Variants in GALNT18 observed in about 807,000 individuals in gnomAD.
The protein encoded by GALNT18 is GalNAc-transferase 18.
Under a neutral mutation model 69.5 loss-of-function variants are expected in GALNT18, and 44 were observed. The ratio of observed to expected loss-of-function variants is 0.63; its 90% confidence interval spans 0.50 to 0.81. The LOEUF (loss-of-function observed/expected upper bound fraction) is 0.81. Ranked by LOEUF, GALNT18 falls within the 40% of genes least tolerant of loss-of-function variation. The pLI is 0.00. For missense variants in GALNT18, 715 were observed against 810.0 expected, an observed-to-expected ratio of 0.88 and a Z score of 1.42; for synonymous variants, 364 against 318.2, an observed-to-expected ratio of 1.14 and a Z score of -1.53.
rs1857437027 is a variant in GALNT18, at chr11:11,523,120, C to G, written c.236-74184G>C. On this transcript the variant is annotated intron_variant, in intron 1 of 10. Transcript: ENST00000227756. This position sits in a 1 kb window ranked among gnomAD's most constrained non-coding sequence, Gnocchi z 4.3. ...ATTATGTCCGCAAGATCAATTCCAT[C>G]TGAGTGAAGGTCTACAGTGCTATTT... Among the ~76,000 whole-genome samples the G allele has an allele frequency of 6.6e-6, 1 of 152,190 alleles. No individual in the cohort carries two copies. Among genetic ancestry groups the G allele is most frequent in the Non-Finnish European group, 1.5e-5 (1 of 68,030 alleles).
chr11:11,571,801 G>A (rs1395265040), intron 1 of GALNT18, among the ~76,000 whole-genome samples: 2 of 152,186 alleles, frequency 1.3e-5, no homozygotes, highest in Admixed American at 6.5e-5. Context: ...GTGTTAAAGT[G>A]ACCCTATGTC....
intron 2 of GALNT18, among the ~76,000 whole-genome samples, chr11:11,437,570 T>C (rs1402240673): frequency 2.6e-5 from 4 of 151,888 alleles, no homozygotes; most frequent in Non-Finnish European, 4.4e-5. Flanking sequence ...GGGGAAGCAG[T>C]GGAGGAATAA....
chr11:11,397,881 C>T (rs1405321310), intron 3 of GALNT18, among the ~76,000 whole-genome samples: 2 of 152,188 alleles, frequency 1.3e-5, no homozygotes, highest in African/African-American at 2.4e-5. Context: ...AAGAAGGGGC[C>T]GCTGGCTGGG....
chr11:11,365,993 C>A (rs1850759477), intron 6 of GALNT18, among the ~76,000 whole-genome samples: 1 of 152,182 alleles, frequency 6.6e-6, no homozygotes, highest in South Asian at 2.1e-4. Flanking sequence ...GACTTCCAAT[C>A]TTTGTGAATG....
chr11:11,304,462 T>G (rs1037068878), intron 9 of GALNT18, among the ~76,000 whole-genome samples: 7 of 152,318 alleles, frequency 4.6e-5, no homozygotes, highest in Middle Eastern at 3.4e-3. Context: ...AAACACTTCA[T>G]AGCTGTGTCT....
rs956902759 is a variant in GALNT18 at position 11,473,788 on chromosome 11, G to C, written c.236-24852C>G. ...ACTTTAATAAAATAGACCAAGGCCA[G>C]GTGCAGTGGCTCATGTCTGTAATCC... On this transcript the variant is annotated intron_variant, in intron 1 of 10. Transcript: ENST00000227756. Among the ~76,000 whole-genome samples, 16 of 152,368 alleles carry C rather than the reference G, an allele frequency of 1.1e-4. No homozygotes were observed. The East Asian group carries it at 1.3e-3, about 13-fold the overall frequency.
Position 11,620,628 on chromosome 11 carries a change from G to A in GALNT18, c.235+731C>T, listed in dbSNP as rs1181660301. Among the ~76,000 whole-genome samples the A allele has an allele frequency of 6.6e-6, 1 of 152,166 alleles. No homozygotes were observed. Among genetic ancestry groups the A allele is most frequent in the Non-Finnish European group, 1.5e-5 (1 of 68,026 alleles). ...GCGGGGAAGGCGCAGCCCAGGGCGT[G>A]TTCTTCCAGTCTTGGGCGGAGTCAT... On this transcript the variant is annotated intron_variant, in intron 1 of 10. Transcript: ENST00000227756. This position sits in a 1 kb window ranked among gnomAD's most constrained non-coding sequence, Gnocchi z 6.9.
intron 10 of GALNT18, among the ~76,000 whole-genome samples, chr11:11,291,797 T>C (rs1849305473): frequency 6.6e-6 from 1 of 152,180 alleles, no homozygotes; most frequent in Non-Finnish European, 1.5e-5. Flanking sequence ...TGACCTTGTT[T>C]TGAACTTCCA....
intron 3 of GALNT18, among the ~76,000 whole-genome samples, chr11:11,393,477 T>C (rs549225815): frequency 1.3e-5 from 2 of 152,398 alleles, no homozygotes; most frequent in East Asian, 3.9e-4. Flanking sequence ...AGGCATGCCC[T>C]TGTCAGCTTT....
rs1327815005 is a variant in GALNT18, at chr11:11,595,258, C to G, written c.235+26101G>C. ...CTAGGGAGGTGGATAGGTAATGAGG[C>G]CTTTGTCCTCATGAATGGAATTAGA... is the stretch of plus-strand genomic sequence containing the variant. On this transcript the variant is annotated intron_variant, in intron 1 of 10. Transcript: ENST00000227756. This position sits in a 1 kb window ranked among gnomAD's most constrained non-coding sequence, Gnocchi z 5.2. 1.3e-5 allele frequency among the ~76,000 whole-genome samples: 2 copies of G among 151,986 alleles called. No individual in the cohort carries two copies. Among genetic ancestry groups the G allele is most frequent in the Non-Finnish European group, 2.9e-5 (2 of 68,010 alleles).
At chr11:11,326,781 C>T (rs547455268) in intron 9 of GALNT18, among the ~76,000 whole-genome samples, 1 of 152,126 alleles carries the variant, frequency 6.6e-6, no homozygotes, top group Non-Finnish European at 1.5e-5. Flanking sequence ...TGTGATGTAC[C>T]CATAGTTTCC....
intron 1 of GALNT18, among the ~76,000 whole-genome samples, chr11:11,483,642 C>T (rs1311679454): frequency 3.3e-5 from 5 of 151,896 alleles, no homozygotes; most frequent in African/African-American, 9.7e-5. Context: ...AAGGTCAGCA[C>T]GCCAACTTCA....
chr11:11,389,378 T>C lies in GALNT18; in HGVS notation c.596-10114A>G, dbSNP rs1854127647. On this transcript the variant is annotated intron_variant, in intron 3 of 10. Transcript: ENST00000227756. This position sits in a 1 kb window ranked among gnomAD's most constrained non-coding sequence, Gnocchi z 4.3. ...AATGGGAATGAGAATAATGAACTAA[T>C]AGAAGTCAGTGTCTTTGCTGACTAA... Among the ~76,000 whole-genome samples the C allele has an allele frequency of 6.6e-6, 1 of 152,326 alleles. No homozygotes were observed. Among genetic ancestry groups the C allele is most frequent in the Non-Finnish European group, 1.5e-5 (1 of 68,034 alleles).
intron 1 of GALNT18, among the ~76,000 whole-genome samples, chr11:11,549,876 G>A (rs942034641): frequency 1.3e-5 from 2 of 152,182 alleles, no homozygotes; most frequent in Non-Finnish European, 2.9e-5. Context: ...GGGTGGAGGA[G>A]GGGAGGAAGT....
chr11:11,405,330 A>G (rs1388552966), intron 3 of GALNT18, among the ~76,000 whole-genome samples: 1 of 152,188 alleles, frequency 6.6e-6, no homozygotes, highest in Non-Finnish European at 1.5e-5. Context: ...CTACACTTAT[A>G]TTGTTTTTAA....
chr11:11,434,577 G>A (rs1046248219), intron 2 of GALNT18, among the ~76,000 whole-genome samples: 6 of 152,338 alleles, frequency 3.9e-5, no homozygotes, highest in Admixed American at 6.5e-5. Context: ...TTGTAGAAGG[G>A]GTGGTCAGGA....
intron 1 of GALNT18, among the ~76,000 whole-genome samples, chr11:11,608,382 C>T (rs564136444): frequency 2.6e-5 from 4 of 151,848 alleles, no homozygotes; most frequent in Non-Finnish European, 5.9e-5. Context: ...TTTTTTGAGA[C>T]AGAGTCTTGC....
At chr11:11,279,151 T>C (rs971304390) in intron 10 of GALNT18, among the ~76,000 whole-genome samples, 8 of 152,158 alleles carry the variant, frequency 5.3e-5, no homozygotes, top group African/African-American at 1.9e-4. Context: ...GCACCTCCTC[T>C]CACCACTCTC....
At chr11:11,568,428 T>C (rs919244176) in intron 1 of GALNT18, among the ~76,000 whole-genome samples, 2 of 152,198 alleles carry the variant, frequency 1.3e-5, no homozygotes, top group African/African-American at 4.8e-5. Flanking sequence ...CATCCATTTA[T>C]ACCCTAGGCT....
Sources: gnomAD v4.1 joint callset for allele counts (sites outside exome capture counted in the v4.1 genomes callset) on GRCh38, gnomAD v4.1.1 for gene constraint, Gnocchi (gnomAD v3.1) non-coding constraint, MANE v1.5 for transcripts, NCBI Gene and HGNC (gene_info 2026-07-23, HGNC 2026-07-21) for gene names.